Variants in ERC2 observed in about 807,000 individuals in gnomAD.
ERC2 encodes ELKS/RAB6-interacting/CAST family member 2, also known as ERC protein 2.
Under a neutral mutation model 114.8 loss-of-function variants are expected in ERC2, and 42 were observed. That is an observed-to-expected ratio of 0.37 (90% CI 0.29 to 0.47). The LOEUF (loss-of-function observed/expected upper bound fraction) is 0.47, where lower values mean the gene tolerates loss of function less well. ERC2 is among the 20% of genes least tolerant of loss of function. The pLI is 0.99. For synonymous variants in ERC2, 454 were observed against 425.5 expected, an observed-to-expected ratio of 1.07 and a Z score of -0.82; for missense variants, 939 against 1,150.7, an observed-to-expected ratio of 0.82 and a Z score of 2.66.
intron 2 of ERC2, among the ~76,000 whole-genome samples, chr3:56,338,714 G>A (rs1185995271): frequency 1.3e-5 from 2 of 152,220 alleles, no homozygotes; most frequent in Non-Finnish European, 2.9e-5. Flanking sequence ...CCAGGATACA[G>A]TGACTGTTCT....
intron 13 of ERC2, among the ~76,000 whole-genome samples, chr3:55,900,986 A>G (rs941031359): frequency 5.9e-5 from 9 of 152,194 alleles, no homozygotes; most frequent in Admixed American, 5.2e-4. Flanking sequence ...CTGATTGTTG[A>G]ATACAAATAT....
intron 3 of ERC2, among the ~76,000 whole-genome samples, chr3:56,221,626 C>T (rs1034643479): frequency 4.6e-5 from 7 of 152,158 alleles, no homozygotes; most frequent in Middle Eastern, 3.2e-3. Context: ...AAAAAGCAGC[C>T]GGGCACAGTG....
chr3:55,810,222 T>C (rs4974146), intron 14 of ERC2, among the ~76,000 whole-genome samples: 1 of 151,954 alleles, frequency 6.6e-6, no homozygotes, highest in African/African-American at 2.4e-5. Context: ...AAATCCAAAA[T>C]ATAAAGATAA....
At chr3:56,104,413 C>A (rs932154155) in intron 6 of ERC2, among the ~76,000 whole-genome samples, 1 of 152,192 alleles carries the variant, frequency 6.6e-6, no homozygotes, top group Non-Finnish European at 1.5e-5. Context: ...CCACTTGAGG[C>A]CAAACCCCAA....
At chr3:55,710,719 G>A (rs1261202673) in intron 15 of ERC2, among the ~76,000 whole-genome samples, 1 of 152,162 alleles carries the variant, frequency 6.6e-6, no homozygotes, top group Non-Finnish European at 1.5e-5. Context: ...GAAAAGGCGG[G>A]TAACTTGAAA....
At chr3:55,681,167 G>A (rs2062037570) in intron 17 of ERC2, among the ~76,000 whole-genome samples, 1 of 152,204 alleles carries the variant, frequency 6.6e-6, no homozygotes, top group Non-Finnish European at 1.5e-5. Flanking sequence ...AATGACCATA[G>A]TGAGACAAAT....
At chr3:55,895,494 C>T (rs1285603157) in intron 13 of ERC2, among the ~76,000 whole-genome samples, 1 of 152,202 alleles carries the variant, frequency 6.6e-6, no homozygotes, top group Non-Finnish European at 1.5e-5. Context: ...CTGGAAGGCA[C>T]CAGCACATGC....
intron 2 of ERC2, among the ~76,000 whole-genome samples, chr3:56,406,736 G>T (rs1021137146): frequency 6.6e-6 from 1 of 152,108 alleles, no homozygotes; most frequent in African/African-American, 2.4e-5. Flanking sequence ...CAGTATTATT[G>T]TGTTTATAGG....
intron 3 of ERC2, among the ~76,000 whole-genome samples, chr3:56,258,453 T>C (rs969433003): frequency 6.6e-6 from 1 of 151,984 alleles, no homozygotes; most frequent in Non-Finnish European, 1.5e-5. Flanking sequence ...GTCAGGAGAT[T>C]GAGACCATCC....
intron 17 of ERC2, among the ~76,000 whole-genome samples, chr3:55,530,415 T>C (rs1008036247): frequency 6.6e-6 from 1 of 152,182 alleles, no homozygotes; most frequent in African/African-American, 2.4e-5. Context: ...TGGATTTGGC[T>C]GTGGGCTGCA....
intron 3 of ERC2, among the ~76,000 whole-genome samples, chr3:56,251,376 T>C (rs2052141595): frequency 1.3e-5 from 2 of 152,262 alleles, no homozygotes; most frequent in Non-Finnish European, 2.9e-5. Context: ...CTACAGTTGA[T>C]ACAACTGTTT....
At chr3:56,236,974 A>T (rs1020832520) in intron 3 of ERC2, among the ~76,000 whole-genome samples, 2 of 152,202 alleles carry the variant, frequency 1.3e-5, no homozygotes, top group Non-Finnish European at 2.9e-5. Context: ...ACAGAAGACC[A>T]TCTCTCATAC....
intron 3 of ERC2, among the ~76,000 whole-genome samples, chr3:56,249,527 T>C (rs559657435): frequency 4.5e-4 from 69 of 152,008 alleles, no homozygotes; most frequent in African/African-American, 1.5e-3. Context: ...GGGGTTTCAC[T>C]GTGTTAGCCA....
intron 6 of ERC2, among the ~76,000 whole-genome samples, chr3:56,085,324 GT>G (rs1480124550): frequency 6.6e-6 from 1 of 152,196 alleles, no homozygotes; most frequent in Non-Finnish European, 1.5e-5. Flanking sequence ...GGAGGTCCCC[GT>G]AGGGGAAGGG....
intron 17 of ERC2, among the ~76,000 whole-genome samples, chr3:55,560,679 T>C (rs2055948418): frequency 6.6e-6 from 1 of 152,156 alleles, no homozygotes; most frequent in Non-Finnish European, 1.5e-5. Context: ...CTGATGGAAT[T>C]CCTGACCCAT....
intron 14 of ERC2, among the ~76,000 whole-genome samples, chr3:55,823,743 G>C (rs951381198): frequency 6.6e-6 from 1 of 151,986 alleles, no homozygotes; most frequent in Non-Finnish European, 1.5e-5. Context: ...AGATCCCATC[G>C]CTCCCATAGG....
chr3:55,862,071 G>T (rs2062053109), intron 14 of ERC2, among the ~76,000 whole-genome samples: 1 of 152,160 alleles, frequency 6.6e-6, no homozygotes. Context: ...GTTGTTTTAA[G>T]CTCCAATTTT....
chr3:55,548,791 T>C (rs2054940379), intron 17 of ERC2, among the ~76,000 whole-genome samples: 1 of 152,034 alleles, frequency 6.6e-6, no homozygotes, highest in Non-Finnish European at 1.5e-5. Context: ...GGCAGGCTTC[T>C]TAGGAGTAGA....
At chr3:55,916,966 A>T (rs977519446) in intron 13 of ERC2, among the ~76,000 whole-genome samples, 2 of 152,160 alleles carry the variant, frequency 1.3e-5, no homozygotes, top group Admixed American at 1.3e-4. Flanking sequence ...GTTTTTTTGC[A>T]CTAAAGTGCA....
Sources: allele counts gnomAD v4.1 joint callset (sites outside exome capture counted in the v4.1 genomes callset), GRCh38; gene constraint gnomAD v4.1.1; transcripts MANE v1.5; gene names NCBI Gene and HGNC (gene_info 2026-07-23, HGNC 2026-07-21).